RASSF5: variants seen among roughly 807,000 people sequenced by gnomAD.
RASSF5 encodes the protein ras association domain-containing protein 5.
A neutral mutation model predicts 40.5 loss-of-function variants in RASSF5; 25 were observed. That is an observed-to-expected ratio of 0.62 (90% CI 0.45 to 0.86). The LOEUF (loss-of-function observed/expected upper bound fraction) is 0.86, where lower values mean the gene tolerates loss of function less well. Ranked by LOEUF, RASSF5 falls within the 40% of genes least tolerant of loss-of-function variation. The pLI is 0.00. For missense variants in RASSF5, 521 were observed against 572.8 expected (o/e 0.91, Z 0.92); for synonymous variants, 246 against 252.4 (o/e 0.97, Z 0.24).
At chr1:206,557,085 C>T in intron 2 of RASSF5, 2 of 974,484 alleles carry the variant, frequency 2.1e-6, no homozygotes, top group Middle Eastern at 1.0e-3. Flanking sequence ...GCGGGTGGCA[C>T]CCAGGCGGCG....
rs979744200 is a variant in RASSF5, at chr1:206,588,496, T to G, written c.*1518T>G. 6 of 152,340 alleles carry G rather than the reference T, an allele frequency of 3.9e-5. No individual in the cohort carries two copies. The highest frequency in any genetic ancestry group is 1.3e-4 in the Admixed American group (2 of 15,276). The allele number at this position is 152,340 out of a possible 1,614,324, so 9.4% of individuals were successfully genotyped here. ...GTAATTTTCAAAGCAGGGCTGGTTTTCCAACCCAGCCTCTGAGAAACCATT... is the reference window on the plus strand; with the variant it reads ...GTAATTTTCAAAGCAGGGCTGGTTTGCCAACCCAGCCTCTGAGAAACCATT... On this transcript the variant is annotated 3_prime_UTR_variant, in exon 6 of 6. Coordinates refer to ENST00000579436, the MANE Select transcript of RASSF5 (RefSeq NM_182663.4).
At chr1:206,578,501 A>G (rs1553405625) in intron 2 of RASSF5, among the ~76,000 whole-genome samples, 1 of 152,210 alleles carries the variant, frequency 6.6e-6, no homozygotes, top group Non-Finnish European at 1.5e-5. Flanking sequence ...GTGATCAGGA[A>G]GAGCTTGACA....
At chr1:206,565,108 T>C (rs1175608654) in intron 2 of RASSF5, among the ~76,000 whole-genome samples, 1 of 152,126 alleles carries the variant, frequency 6.6e-6, no homozygotes, top group Non-Finnish European at 1.5e-5. Context: ...CATAACTCAT[T>C]TATTTCTCTG....
rs1669013477 is a variant in RASSF5 at position 206,584,280 on chromosome 1, G to T, written c.691-107G>T. 3 of 1,101,782 alleles carry T rather than the reference G, an allele frequency of 2.7e-6. No homozygotes were observed. The highest frequency in any genetic ancestry group is 1.6e-5 in the South Asian group (1 of 63,198). The allele number at this position is 1,101,782 out of a possible 1,614,324, so 68.3% of individuals were successfully genotyped here. ...CTCCCACGTCAGCAGAGGCAGGAAA[G>T]AACTCAAGGAGACAGGTGGGTGCTG... On this transcript the variant is annotated intron_variant, in intron 3 of 5. Transcript: ENST00000579436. This position sits in a 1 kb window ranked among gnomAD's most constrained non-coding sequence, Gnocchi z 4.9.
chr1:206,546,022 C>T (rs1428364554), intron 2 of RASSF5, among the ~76,000 whole-genome samples: 2 of 144,890 alleles, frequency 1.4e-5, no homozygotes, highest in African/African-American at 2.6e-5. Context: ...GCGATCTCGG[C>T]TCACGATATA....
rs559897983 is a variant in RASSF5, at chr1:206,522,209, G to T, written c.457+14150G>T. The stretch of plus-strand genomic sequence containing the variant: ...TACTTTGTAACAGTGAGCTATGGGA[G>T]GCCCTCAGTCAGCACATGGTGAGTG... On this transcript the variant is annotated intron_variant, in intron 1 of 5. Coordinates refer to ENST00000579436, the MANE Select transcript of RASSF5 (RefSeq NM_182663.4). Among the ~76,000 whole-genome samples, 3 of 152,192 alleles carry T rather than the reference G, an allele frequency of 2.0e-5. No homozygotes were observed. In the South Asian group the frequency reaches 6.2e-4, roughly 32 times the overall value.
At chr1:206,540,104 G>A (rs1667508139) in intron 2 of RASSF5, among the ~76,000 whole-genome samples, 1 of 152,226 alleles carries the variant, frequency 6.6e-6, no homozygotes, top group Admixed American at 6.5e-5. Context: ...GGATGCTACT[G>A]ATTCTAGAAG....
intron 2 of RASSF5, among the ~76,000 whole-genome samples, chr1:206,555,091 T>A (rs971062267): frequency 3.3e-5 from 5 of 152,174 alleles, no homozygotes; most frequent in Non-Finnish European, 7.4e-5. Context: ...ATAATGGATG[T>A]TAAAAAGGTT....
rs1307180860 is a variant in RASSF5 at position 206,538,031 on chromosome 1, C to T, written c.458-141C>T. 3.5e-5 allele frequency: 42 copies of T among 1,191,548 alleles called. 1 individual carries two copies. Among genetic ancestry groups the T allele is most frequent in the South Asian group, 2.4e-4 (17 of 70,590 alleles). 73.8% of individuals were successfully genotyped at this position (1,191,548 alleles called of 1,614,324 possible). ...ATCCGAGAGCAGGGTGGCATTCTCACGCTGTCTCCCGCCCCACCACTTCTC... is the reference window on the plus strand; with the variant it reads ...ATCCGAGAGCAGGGTGGCATTCTCATGCTGTCTCCCGCCCCACCACTTCTC... On this transcript the variant is annotated intron_variant, in intron 1 of 5. Transcript: ENST00000579436.
chr1:206,524,635 TA>T (rs1667044155), intron 1 of RASSF5, among the ~76,000 whole-genome samples: 1 of 137,586 alleles, frequency 7.3e-6, no homozygotes, highest in Non-Finnish European at 1.5e-5. Context: ...GTATAATATA[TA>T]AAATATATAT....
rs77899994 is a variant in RASSF5, at chr1:206,588,709, C to T, written c.*1731C>T. On this transcript the variant is annotated 3_prime_UTR_variant, in exon 6 of 6. Coordinates refer to ENST00000579436, the MANE Select transcript of RASSF5 (RefSeq NM_182663.4). ...CAGAGCTTCAAAGGCAACACAAGCT[C>T]GCAACTCTAAGATTTTTTTAAACCA... is the stretch of plus-strand genomic sequence containing the variant. 9.8e-5 allele frequency: 15 copies of T among 152,740 alleles called. No homozygotes were observed. The highest frequency in any genetic ancestry group is 4.1e-4 in the South Asian group (2 of 4,822). The allele number at this position is 152,740 out of a possible 1,614,324, so 9.5% of individuals were successfully genotyped here.
chr1:206,525,497 C>T (rs1294818535), intron 1 of RASSF5, among the ~76,000 whole-genome samples: 1 of 152,192 alleles, frequency 6.6e-6, no homozygotes, highest in Non-Finnish European at 1.5e-5. Context: ...CAAGCTTGAA[C>T]TCCTGGGCTT....
intron 2 of RASSF5, among the ~76,000 whole-genome samples, chr1:206,582,159 C>G (rs1331249873): frequency 1.3e-5 from 2 of 152,140 alleles, no homozygotes; most frequent in African/African-American, 4.8e-5. Context: ...AGGTGGGTAA[C>G]AGTGAACTTG....
At chr1:206,524,399 AC>A (rs1667028550) in intron 1 of RASSF5, among the ~76,000 whole-genome samples, 1 of 141,224 alleles carries the variant, frequency 7.1e-6, no homozygotes, top group Admixed American at 7.6e-5. Flanking sequence ...TATTATAGAT[AC>A]CATATGTAAT....
Position 206,552,619 on chromosome 1 carries a change from G to T in RASSF5, c.579+14326G>T, listed in dbSNP as rs1667871311. ...GGAATAGGTGGCGGGAGTCGGTGGAGAAAGGACAATTGTAATGGAAAGTTA... is the reference window on the plus strand; with the variant it reads ...GGAATAGGTGGCGGGAGTCGGTGGATAAAGGACAATTGTAATGGAAAGTTA... On this transcript the variant is annotated intron_variant, in intron 2 of 5. Transcript: ENST00000579436. The surrounding 1 kb of genome is among the most constrained non-coding windows in gnomAD (Gnocchi z 4.1). Among the ~76,000 whole-genome samples, 3 of 152,206 alleles carry T rather than the reference G, an allele frequency of 2.0e-5. No individual in the cohort carries two copies. The highest frequency in any genetic ancestry group is 2.0e-4 in the Admixed American group (3 of 15,290).
chr1:206,586,919 G>T lies in RASSF5; in HGVS notation c.1198G>T (p.Asp400Tyr). The change falls in exon 6 of 6, where the codon GAC becomes TAC. Residue 400 changes from aspartate to tyrosine, a missense_variant. This residue lies in a region of RASSF5 where 284 missense variants were observed against 360.8 expected (regional missense o/e 0.79). Coordinates refer to ENST00000579436, the MANE Select transcript of RASSF5 (RefSeq NM_182663.4). ...AATCCAACAAGTGCAAAAGAAGTAT[G>T]ACAAGTTTAGGCAGAAACTGGAGGA... is the stretch of plus-strand genomic sequence containing the variant. ...DKIQQVQKKY[D>Y]KFRQKLEEAL... 2 of 1,614,200 alleles carry T rather than the reference G, an allele frequency of 1.2e-6. No homozygotes were observed. The highest frequency in any genetic ancestry group is 1.1e-5 in the South Asian group (1 of 91,060).
rs1558524720 is a variant in RASSF5 at position 206,584,689 on chromosome 1, G to A, written c.988+5G>A. The A allele has an allele frequency of 6.2e-7, 1 of 1,614,172 alleles. No homozygotes were observed. The highest frequency in any genetic ancestry group is 8.5e-7 in the Non-Finnish European group (1 of 1,180,024). ...GGATACACAAGGACGGACAAGGTAG[G>A]AGAAAGAGTGAACCCAACCAGACCG... On this transcript the variant is annotated splice_donor_5th_base_variant and intron_variant, in intron 4 of 5. Coordinates refer to ENST00000579436, the MANE Select transcript of RASSF5 (RefSeq NM_182663.4). The surrounding 1 kb of genome is among the most constrained non-coding windows in gnomAD (Gnocchi z 4.9).
chr1:206,520,162 G>A (rs572377682), intron 1 of RASSF5, among the ~76,000 whole-genome samples: 1 of 152,326 alleles, frequency 6.6e-6, no homozygotes, highest in African/African-American at 2.4e-5. Context: ...CTTAACTTGT[G>A]TTAGCATTTG....
At chr1:206,526,269 A>AGTGTGTGTGAGTGTGTGTGTGT (rs1667093701) in intron 1 of RASSF5, among the ~76,000 whole-genome samples, 1 of 143,034 alleles carries the variant, frequency 7.0e-6, no homozygotes, top group Admixed American at 6.9e-5. Flanking sequence ...GCTTTCTGGC[A>AGTGTGTGTGAGTGTGTGTGTGT]GTGTGTGTGT....
Sources: gnomAD v4.1 joint callset for allele counts (sites outside exome capture counted in the v4.1 genomes callset) on GRCh38, gnomAD v4.1.1 for gene constraint, gnomAD v4.1.1 regional missense constraint, Gnocchi (gnomAD v3.1) non-coding constraint, MANE v1.5 for transcripts, NCBI Gene and HGNC (gene_info 2026-07-23, HGNC 2026-07-21) for gene names.